ZNF510: variants seen among roughly 807,000 people sequenced by gnomAD.
ZNF510 encodes the protein zinc finger protein 510.
Under a neutral mutation model 18.1 loss-of-function variants are expected in ZNF510, and 15 were observed. The ratio of observed to expected loss-of-function variants is 0.83; its 90% CI spans 0.55 to 1.28. The LOEUF is 1.28. Ranked by LOEUF, ZNF510 falls within the 50% of genes most tolerant of loss-of-function variation. The pLI is 0.00. For synonymous variants in ZNF510, 261 were observed against 266.4 expected (o/e 0.98, Z 0.20); for missense variants, 724 against 791.8 (o/e 0.91, Z 1.03).
intron 3 of ZNF510, among the ~76,000 whole-genome samples, chr9:96,772,174 T>C (rs1200440787): frequency 2.6e-5 from 4 of 152,186 alleles, no homozygotes; most frequent in Non-Finnish European, 5.9e-5. Context: ...TGACAGAAGA[T>C]GGTCTTTCTA....
At chr9:96,776,881 C>A (rs543769251) in intron 1 of ZNF510, among the ~76,000 whole-genome samples, 28 of 152,294 alleles carry the variant, frequency 1.8e-4, no homozygotes, top group African/African-American at 6.5e-4. Flanking sequence ...AAACCTGATT[C>A]TCTTGGCATT....
At chr9:96,765,869 C>T (rs997320558) in intron 3 of ZNF510, among the ~76,000 whole-genome samples, 2 of 152,070 alleles carry the variant, frequency 1.3e-5, no homozygotes, top group African/African-American at 2.4e-5. Context: ...TCTAGTGTGC[C>T]TATGTGCAAG....
chr9:96,766,244 T>TAAC (rs1224373529), intron 3 of ZNF510, among the ~76,000 whole-genome samples: 2 of 150,478 alleles, frequency 1.3e-5, no homozygotes, highest in African/African-American at 5.0e-5. Context: ...ACTCTCCCAG[T>TAAC]AACTCATAGA....
At chr9:96,766,463 C>T (rs1849475140) in intron 3 of ZNF510, among the ~76,000 whole-genome samples, 1 of 151,286 alleles carries the variant, frequency 6.6e-6, no homozygotes, top group Admixed American at 6.6e-5. Flanking sequence ...CTTAACACTA[C>T]AGCTGCAGAG....
chr9:96,773,580 G>T (rs58782044), intron 3 of ZNF510, among the ~76,000 whole-genome samples: 4,845 of 143,366 alleles, frequency 0.034, 209 homozygotes, highest in East Asian at 0.24. Flanking sequence ...GTTGACATCT[G>T]TTTTTTTTTT....
rs570710280 is a variant in ZNF510 at position 96,768,903 on chromosome 9, T to A, written c.130-5271A>T. ...CAATCTAGAAAAAAAAGAAAAAAAA[T>A]TGGAGGGATTACATTTCCTGATTTA... On this transcript the variant is annotated intron_variant, in intron 3 of 5. Transcript: ENST00000223428. Among the ~76,000 whole-genome samples, 12 of 151,590 alleles carry A rather than the reference T, an allele frequency of 7.9e-5. No individual in the cohort carries two copies. The South Asian group carries it at 2.5e-3, about 32-fold the overall frequency.
chr9:96,769,055 A>AAAT (rs1849533830), intron 3 of ZNF510, among the ~76,000 whole-genome samples: 1 of 152,170 alleles, frequency 6.6e-6, no homozygotes, highest in Admixed American at 6.5e-5. Flanking sequence ...ATTAGGAAAA[A>AAAT]AATAGTTTTC....
intron 2 of ZNF510, 145 bp from the exon 3 acceptor site, chr9:96,774,991 A>C (rs1236025349): frequency 1.6e-6 from 1 of 624,216 alleles, no homozygotes; most frequent in Non-Finnish European, 2.9e-6. Flanking sequence ...CACTACAGAG[A>C]AAGCACCTCC....
intron 5 of ZNF510, 113 bp downstream of exon 5, chr9:96,763,005 G>T (rs1162969480): frequency 2.5e-6 from 2 of 786,266 alleles, no homozygotes; most frequent in Admixed American, 2.1e-5. Flanking sequence ...GCTGCTTTTT[G>T]TGCCTTTAGG....
Position 96,778,066 on chromosome 9 carries a change from T to G in ZNF510, c.-209A>C, listed in dbSNP as rs1300495995. The G allele has an allele frequency of 1.3e-5, 2 of 152,178 alleles. No homozygotes were observed. Among genetic ancestry groups the G allele is most frequent in the Non-Finnish European group, 1.5e-5 (1 of 68,074 alleles). 9.4% of individuals were successfully genotyped at this position (152,178 alleles called of 1,614,324 possible). ...GCGAACCCTCTGCACCAGCAAACAC[T>G]AACAGGGAGAAGCCGGAAAGTGGGG... is the stretch of plus-strand genomic sequence containing the variant. On this transcript the variant is annotated 5_prime_UTR_variant, in exon 1 of 6. Transcript: ENST00000223428.
In ZNF510 at chr9:96,759,360, ACATT is replaced by A. The variant is rs1564433341; in HGVS notation, c.1466_1469del (p.Glu489ValfsTer181). The stretch of plus-strand genomic sequence containing the variant: ...GAACAAAAGTTTTCCCACATTCACT[ACATT>A]CATAGGGTTTTTCTCCTGTGTGAAT... On this transcript the variant is annotated frameshift_variant, in exon 6 of 6. Coordinates refer to ENST00000223428, the MANE Select transcript of ZNF510 (RefSeq NM_014930.3). LOFTEE classifies it low-confidence loss of function (END_TRUNC). 6.2e-7 allele frequency: 1 copy of A among 1,614,154 alleles called. No homozygotes were observed. Among genetic ancestry groups the A allele is most frequent in the Non-Finnish European group, 8.5e-7 (1 of 1,180,010 alleles).
rs1343659306 is a variant in ZNF510 at position 96,760,311 on chromosome 9, G to C, written c.519C>G (p.Ser173=). The part of the protein sequence containing the change: ...HVAAVASTKM[S]CKCNSWEVNL... Reference sequence around the variant, plus strand: ...TCACTTCCCATGAGTTGCATTTGCAGGACATTTTTGTTGAAGCAACAGCAG... The same window carrying C: ...TCACTTCCCATGAGTTGCATTTGCACGACATTTTTGTTGAAGCAACAGCAG... Residue 173 remains serine, a synonymous_variant, in exon 6 of 6, where the codon TCC becomes TCG. Coordinates refer to ENST00000223428, the MANE Select transcript of ZNF510 (RefSeq NM_014930.3). The C allele has an allele frequency of 1.2e-6, 2 of 1,613,792 alleles. No individual in the cohort carries two copies. Among genetic ancestry groups the C allele is most frequent in the South Asian group, 1.1e-5 (1 of 91,042 alleles).
chr9:96,763,731 C>T (rs1849410073), intron 3 of ZNF510, 99 bp from the exon 4 acceptor site: 1 of 1,215,920 alleles, frequency 8.2e-7, no homozygotes, highest in Non-Finnish European at 1.1e-6. Context: ...CTCTAAAAAG[C>T]TTAAACGAAT....
In ZNF510 at chr9:96,774,820, A is replaced by AG; in HGVS notation, c.96dup (p.Phe33LeufsTer91). The AG allele has an allele frequency of 1.2e-6, 2 of 1,614,066 alleles. No homozygotes were observed. The highest frequency in any genetic ancestry group is 1.7e-6 in the Non-Finnish European group (2 of 1,179,984). ...ATGTTCATTTTCTGCTGCTCCTGAA[A>AG]GAGTGTGGAGAACCGTAAAGGATAA... is the stretch of plus-strand genomic sequence containing the variant. On this transcript the variant is annotated frameshift_variant, in exon 3 of 6. Transcript: ENST00000223428. LOFTEE classifies it high-confidence loss of function.
chr9:96,770,400 G>C (rs1301780357), intron 3 of ZNF510, among the ~76,000 whole-genome samples: 1 of 150,934 alleles, frequency 6.6e-6, no homozygotes, highest in Non-Finnish European at 1.5e-5. Context: ...GACCAGCCTG[G>C]CCAACATGGT....
In ZNF510 at chr9:96,761,141, C is replaced by T. The variant is rs117655457; in HGVS notation, c.353-664G>A. Among the ~76,000 whole-genome samples the T allele has an allele frequency of 4.7e-3, 720 of 152,212 alleles. 2 individuals carry two copies. The highest frequency in any genetic ancestry group is 8.8e-3 in the Non-Finnish European group (598 of 67,970). ...GTATAAAATTGTTGAAAATAAAATC[C>T]ATTCATGCAACTAACTTAGATGCAC... is the stretch of plus-strand genomic sequence containing the variant. On this transcript the variant is annotated intron_variant, in intron 5 of 5. Coordinates refer to ENST00000223428, the MANE Select transcript of ZNF510 (RefSeq NM_014930.3).
In ZNF510 at chr9:96,759,615, T is replaced by C. The variant is rs780860307; in HGVS notation, c.1215A>G (p.Lys405=). The change falls in exon 6 of 6, where the codon AAA becomes AAG. Residue 405 remains lysine, a synonymous_variant. Transcript: ENST00000223428. The part of the protein sequence containing the change: ...RRSHSMMKPY[K]CNECGKSFCQ... The stretch of plus-strand genomic sequence containing the variant: ...AGAAGGATTTCCCACATTCATTACA[T>C]TTATAGGGTTTCATCATTGAGTGAC... The C allele has an allele frequency of 1.2e-6, 2 of 1,613,918 alleles. No individual in the cohort carries two copies. The highest frequency in any genetic ancestry group is 1.1e-5 in the South Asian group (1 of 91,082).
At position 96,763,125 on chromosome 9, in the gene ZNF510, A is replaced by C; in HGVS notation, c.345T>G (p.Ser115Arg). The change falls in exon 5 of 6, where the codon AGT (serine) becomes AGG (arginine). Residue 115 changes from serine to arginine, a missense_variant. Coordinates refer to ENST00000223428, the MANE Select transcript of ZNF510 (RefSeq NM_014930.3). ...TACTGCTCAGTAACTCACTTGGGTG[A>C]CTCTGGTTTGAGAATTCCTCCTCTG... ...WFSEEEFSNQSHPKDYRGDDL... is the reference protein window; with the variant it reads ...WFSEEEFSNQRHPKDYRGDDL... The C allele has an allele frequency of 1.9e-6, 3 of 1,613,848 alleles. No individual in the cohort carries two copies. The highest frequency in any genetic ancestry group is 8.5e-7 in the Non-Finnish European group (1 of 1,179,822).
chr9:96,766,194 G>A (rs1159703788), intron 3 of ZNF510, among the ~76,000 whole-genome samples: 2 of 152,144 alleles, frequency 1.3e-5, no homozygotes, highest in Non-Finnish European at 2.9e-5. Flanking sequence ...TGATAGAAAT[G>A]AGATATCAAT....
Sources: gnomAD v4.1 joint callset for allele counts (sites outside exome capture counted in the v4.1 genomes callset) on GRCh38, gnomAD v4.1.1 for gene constraint, MANE v1.5 for transcripts, NCBI Gene and HGNC (gene_info 2026-07-23, HGNC 2026-07-21) for gene names.